The following DYRK4 variants were observed in gnomAD, a reference collection of about 807,000 sequenced individuals.
DYRK4 encodes the protein dual specificity tyrosine-phosphorylation-regulated kinase 4.
In DYRK4, 64 loss-of-function variants were observed where a neutral mutation model predicts 68.3. That is an observed-to-expected ratio of 0.94 (90% confidence interval 0.77 to 1.15). The LOEUF (loss-of-function observed/expected upper bound fraction) is 1.15, where lower values mean the gene tolerates loss of function less well. Ranked by LOEUF, DYRK4 falls within the 50% of genes most tolerant of loss-of-function variation. The pLI is 0.00. For missense variants in DYRK4, 740 were observed against 764.7 expected, an observed-to-expected ratio of 0.97 and a Z score of 0.38; for synonymous variants, 274 against 289.9, an observed-to-expected ratio of 0.95 and a Z score of 0.56.
chr12:4,602,372 G>C, intron 10 of DYRK4: 1 of 897,204 alleles, frequency 1.1e-6, no homozygotes, highest in South Asian at 1.4e-5. Context: ...TTTTGTTCTC[G>C]TTTTGTAGTT....
chr12:4,563,307 G>A (rs77992498), intron 1 of DYRK4: 3,943 of 377,852 alleles, frequency 0.01, 131 homozygotes, highest in African/African-American at 0.076. Context: ...AATCGGAAGG[G>A]ACTCTCTAGC....
chr12:4,596,449 A>G, intron 7 of DYRK4, 140 bp from the exon 8 acceptor site: 2 of 1,494,182 alleles, frequency 1.3e-6, no homozygotes, highest in Non-Finnish European at 8.9e-7. Context: ...AGAGGAGGTG[A>G]GAGTGTGGTA....
intron 10 of DYRK4, chr12:4,602,677 G>C (rs188811978): frequency 8.4e-6 from 12 of 1,432,526 alleles, no homozygotes; most frequent in East Asian, 2.3e-5. Context: ...GTCATTTTCT[G>C]TACTATTTGC....
At position 4,599,063 on chromosome 12, in the gene DYRK4, T is replaced by C. The variant is rs1406320822; in HGVS notation, c.941T>C (p.Phe314Ser). 5 of 1,613,992 alleles carry C rather than the reference T, an allele frequency of 3.1e-6. No individual in the cohort carries two copies. In the South Asian group the frequency reaches 5.5e-5, roughly 18 times the overall value. The change falls in exon 9 of 15, where the codon TTT becomes TCT. Residue 314 changes from phenylalanine (F) to serine (S), a missense_variant. Coordinates refer to ENST00000543431, the MANE Select transcript of DYRK4 (RefSeq NM_001394779.1). ...TATGAGTTGATGAAGAATAACAACT[T>C]TCAAGGCTTCAGTCTGTCCATAGTT... ...NLYELMKNNN[F>S]QGFSLSIVRR... is the part of the protein sequence containing the mutation.
chr12:4,602,795 C>G (rs1945095926), intron 10 of DYRK4: 1 of 1,505,892 alleles, frequency 6.6e-7, no homozygotes, highest in African/African-American at 1.4e-5. Flanking sequence ...GTTTATTTCA[C>G]AGCTTCCATT....
Position 4,600,224 on chromosome 12 carries a change from A to C in DYRK4, c.1126+436A>C, listed in dbSNP as rs187420292. On this transcript the variant is annotated intron_variant, in intron 10 of 14. Coordinates refer to ENST00000543431, the MANE Select transcript of DYRK4 (RefSeq NM_001394779.1). Reference sequence around the variant, plus strand: ...TCTTTTTCAAGCTAGGATCCAAAAAAGTAGCTCTGGAGTACATTTTCACAG... The same window carrying C: ...TCTTTTTCAAGCTAGGATCCAAAAACGTAGCTCTGGAGTACATTTTCACAG... Among the ~76,000 whole-genome samples, 55 of 152,286 alleles carry C rather than the reference A, an allele frequency of 3.6e-4. No homozygotes were observed. In the East Asian group the frequency reaches 9.7e-3, roughly 27 times the overall value.
rs1261902133 is a variant in DYRK4 at position 4,604,915 on chromosome 12, A to G, written c.1128A>G (p.Val376=). ...GTTTCTCTTACTTTGCCTCCGCAGT[A>G]TACACGTACATCCAAAGCCGGTTCT... The part of the protein sequence containing the change: ...FGSSCYEHQK[V]YTYIQSRFYR... Residue 376 remains valine, a splice_region_variant and synonymous_variant, in exon 11 of 15, where the codon GTA becomes GTG. Coordinates refer to ENST00000543431, the MANE Select transcript of DYRK4 (RefSeq NM_001394779.1). The G allele has an allele frequency of 1.9e-6, 3 of 1,605,644 alleles. No individual in the cohort carries two copies. The highest frequency in any genetic ancestry group is 2.7e-5 in the African/African-American group (2 of 74,634).
chr12:4,575,475 A>T (rs934724544), intron 2 of DYRK4, among the ~76,000 whole-genome samples: 1 of 151,936 alleles, frequency 6.6e-6, no homozygotes, highest in Middle Eastern at 3.4e-3. Context: ...CTACCAGCTA[A>T]TTTTTTTGTA....
rs1417850953 is a variant in DYRK4 at position 4,591,630 on chromosome 12, TGA to T, written c.463+338_463+339del. On this transcript the variant is annotated intron_variant, in intron 5 of 14. Transcript: ENST00000543431. This position sits in a 1 kb window ranked among gnomAD's most constrained non-coding sequence, Gnocchi z 4.1. ...GACCCAGGGGCCAGCGGGAAGGCAC[TGA>T]GAGAGTGGAAGAGCCAGGAGTGGAA... is the stretch of plus-strand genomic sequence containing the variant. The T allele has an allele frequency of 1.1e-5, 3 of 270,212 alleles. No homozygotes were observed. In the Admixed American group the frequency reaches 1.4e-4, roughly 13 times the overall value. 16.7% of individuals were successfully genotyped at this position (270,212 alleles called of 1,614,324 possible).
At chr12:4,602,857 CT>C (rs1166454060) in intron 10 of DYRK4, 13 of 1,116,526 alleles carry the variant, frequency 1.2e-5, no homozygotes, top group Non-Finnish European at 1.5e-5. Flanking sequence ...AAATACATCA[CT>C]GTGACAGTTT....
chr12:4,590,215 T>C (rs931879505), intron 3 of DYRK4, 115 bp from the exon 4 acceptor site: 4 of 1,427,008 alleles, frequency 2.8e-6, no homozygotes, highest in Admixed American at 2.9e-5. Context: ...TAGGTCCAGA[T>C]TGGGGTTAGG....
At chr12:4,602,902 T>C in intron 10 of DYRK4, 1 of 959,886 alleles carries the variant, frequency 1.0e-6, no homozygotes, top group Middle Eastern at 3.0e-4. Flanking sequence ...CAAAATAACT[T>C]TTGTAAGTAT....
chr12:4,600,177 C>T (rs576527603), intron 10 of DYRK4, among the ~76,000 whole-genome samples: 30 of 152,272 alleles, frequency 2.0e-4, no homozygotes, highest in Non-Finnish European at 3.2e-4. Context: ...GAATTCACTG[C>T]CCCAGATCCT....
intron 2 of DYRK4, among the ~76,000 whole-genome samples, chr12:4,583,772 G>A (rs981480567): frequency 1.3e-5 from 2 of 151,908 alleles, no homozygotes; most frequent in Non-Finnish European, 2.9e-5. Flanking sequence ...GCACTTCCCT[G>A]TGACATCATA....
At chr12:4,612,228 G>C (rs1278540357) in intron 13 of DYRK4, among the ~76,000 whole-genome samples, 3 of 151,966 alleles carry the variant, frequency 2.0e-5, no homozygotes, top group Admixed American at 1.3e-4. Context: ...AATATTCTTA[G>C]CTTACCAAAC....
rs1420213770 is a variant in DYRK4, at chr12:4,590,434, G to C, written c.318G>C (p.Leu106=). 6.5e-7 allele frequency: 1 copy of C among 1,535,794 alleles called. No homozygotes were observed. Among genetic ancestry groups the C allele is most frequent in the African/African-American group, 1.4e-5 (1 of 73,018 alleles). The change falls in exon 4 of 15, where the codon CTG becomes CTC. Residue 106 remains leucine, a synonymous_variant. Coordinates refer to ENST00000543431, the MANE Select transcript of DYRK4 (RefSeq NM_001394779.1). Reference sequence around the variant, plus strand: ...AAGTCCTGCTGAAGTCATCCCTGCTGTATCAGGTGAGTGCAGACGGACTGG... The same window carrying C: ...AAGTCCTGCTGAAGTCATCCCTGCTCTATCAGGTGAGTGCAGACGGACTGG... ...SKKVLLKSSL[L]YQENQAHNQM...
chr12:4,588,014 T>C (rs1944914593), intron 2 of DYRK4, among the ~76,000 whole-genome samples: 1 of 152,200 alleles, frequency 6.6e-6, no homozygotes. Flanking sequence ...AGCTTTACAG[T>C]TTTTGCCATG....
chr12:4,577,929 T>G (rs1032902857), intron 2 of DYRK4, among the ~76,000 whole-genome samples: 1 of 152,228 alleles, frequency 6.6e-6, no homozygotes, highest in Admixed American at 6.5e-5. Context: ...CAAATTCCAA[T>G]GGTTCATTTC....
rs1945237416 is a variant in DYRK4 at position 4,612,698 on chromosome 12, G to A, written c.1646G>A (p.Cys549Tyr). The change falls in exon 14 of 15, where the codon TGT (cysteine) becomes TAT (tyrosine). Residue 549 changes from cysteine to tyrosine, a missense_variant. This residue lies in a region of DYRK4 where 614 missense variants were observed against 603.7 expected (regional missense o/e 1.02). Transcript: ENST00000543431. ...ACAAGGAAGGACAAGGTTCAAGGCT[G>A]TCATCACTCGAGCAGAAAAGGTACA... ...SETRKDKVQGCHHSSRKDEIT... is the reference protein window; with the variant it reads ...SETRKDKVQGYHHSSRKDEIT... 4 of 1,614,050 alleles carry A rather than the reference G, an allele frequency of 2.5e-6. No individual in the cohort carries two copies. The highest frequency in any genetic ancestry group is 1.7e-5 in the Admixed American group (1 of 60,004).
Sources: allele counts gnomAD v4.1 joint callset (sites outside exome capture counted in the v4.1 genomes callset), GRCh38; gene constraint gnomAD v4.1.1; regional missense constraint gnomAD v4.1.1; non-coding constraint Gnocchi (gnomAD v3.1); transcripts MANE v1.5; gene names NCBI Gene and HGNC (gene_info 2026-07-23, HGNC 2026-07-21).